HHIP: variants seen among roughly 807,000 people sequenced by gnomAD.
HHIP encodes hedgehog-interacting protein.
HHIP carries 12 observed loss-of-function variants against 74.0 expected under a neutral mutation model. The observed-to-expected ratio is 0.16, with a 90% CI of 0.10 to 0.26. HHIP has a LOEUF of 0.26. Among genes scored for constraint, HHIP ranks in the 10% least tolerant of loss-of-function variants. The pLI is 1.00. For missense variants in HHIP, 788 were observed against 845.0 expected (o/e 0.93, Z 0.84); for synonymous variants, 309 against 311.6 (o/e 0.99, Z 0.09).
chr4:144,660,864 A>T (rs1728694450), intron 4 of HHIP, among the ~76,000 whole-genome samples: 1 of 152,118 alleles, frequency 6.6e-6, no homozygotes, highest in South Asian at 2.1e-4. Flanking sequence ...ATATTCATTC[A>T]CAAAAAGGGC....
intron 4 of HHIP, 90 bp downstream of exon 4, chr4:144,659,928 TAAAA>T (rs779092800): frequency 1.0e-6 from 1 of 957,092 alleles, no homozygotes; most frequent in Non-Finnish European, 1.6e-6. Flanking sequence ...TTCTTTGTAA[TAAAA>T]GAAAGAATCT....
At chr4:144,708,408 G>A (rs988649251) in intron 7 of HHIP, 97 bp downstream of exon 7, 6 of 1,251,022 alleles carry the variant, frequency 4.8e-6, no homozygotes, top group Non-Finnish European at 6.8e-6. Flanking sequence ...TCACAGAGCA[G>A]CCAAAGGTAG....
Position 144,646,298 on chromosome 4 carries a change from C to A in HHIP, c.-378C>A. 1 of 191,266 alleles carries A rather than the reference C, an allele frequency of 5.2e-6. No individual in the cohort carries two copies. Among genetic ancestry groups the A allele is most frequent in the South Asian group, 1.2e-4 (1 of 8,026 alleles). 11.8% of individuals were successfully genotyped at this position (191,266 alleles called of 1,614,324 possible). A position where few individuals can be genotyped will look rare whatever the true frequency, so the allele number is the denominator to read the frequency against. ...GCTACTGTCCCACCTAAACAACTCC[C>A]GTTACACGGACAAGTGAACATCTGT... On this transcript the variant is annotated 5_prime_UTR_variant, in exon 1 of 13. Transcript: ENST00000296575.
At chr4:144,736,693 TA>T (rs900195563) in intron 12 of HHIP, among the ~76,000 whole-genome samples, 1 of 152,232 alleles carries the variant, frequency 6.6e-6, no homozygotes, top group African/African-American at 2.4e-5. Context: ...CTTTCATTTT[TA>T]CACTGAATCA....
At chr4:144,677,160 T>G (rs2126615217) in intron 4 of HHIP, among the ~76,000 whole-genome samples, 1 of 152,368 alleles carries the variant, frequency 6.6e-6, no homozygotes, top group East Asian at 1.9e-4. Flanking sequence ...CTACTGTGAC[T>G]GCCGTTCTTC....
intron 4 of HHIP, among the ~76,000 whole-genome samples, chr4:144,683,913 T>G (rs553140463): frequency 6.6e-6 from 1 of 152,078 alleles, no homozygotes; most frequent in East Asian, 1.9e-4. Context: ...GAAGTTGTGT[T>G]GCCTTAAATT....
At chr4:144,699,372 G>A (rs991842977) in intron 4 of HHIP, among the ~76,000 whole-genome samples, 3 of 152,270 alleles carry the variant, frequency 2.0e-5, no homozygotes, top group African/African-American at 7.2e-5. Flanking sequence ...AGGGGGTGCT[G>A]TACAGAGCTC....
chr4:144,732,911 A>T (rs1006001111), intron 11 of HHIP, among the ~76,000 whole-genome samples: 4 of 152,222 alleles, frequency 2.6e-5, no homozygotes, highest in Non-Finnish European at 4.4e-5. Context: ...TTCAACTAGA[A>T]TATTTGTTTA....
rs1278017689 is a variant in HHIP at position 144,740,347 on chromosome 4, G to A, written c.*2390G>A. The A allele has an allele frequency of 1.3e-5, 2 of 152,114 alleles. No individual in the cohort carries two copies. Among genetic ancestry groups the A allele is most frequent in the Non-Finnish European group, 2.9e-5 (2 of 68,012 alleles). 9.4% of individuals were successfully genotyped at this position (152,114 alleles called of 1,614,324 possible). On this transcript the variant is annotated 3_prime_UTR_variant, in exon 13 of 13. Transcript: ENST00000296575. ...TTTTTTATACAGCTTTTTCCCAAGT[G>A]AAAGATTTTCAAGTGACTTAGAAAA...
intron 4 of HHIP, among the ~76,000 whole-genome samples, chr4:144,663,860 C>A (rs1196219774): frequency 6.6e-6 from 1 of 152,120 alleles, no homozygotes; most frequent in East Asian, 1.9e-4. Context: ...AACAAGGCCA[C>A]CAGAAGATAC....
chr4:144,693,850 T>C (rs536237485), intron 4 of HHIP, among the ~76,000 whole-genome samples: 11 of 152,076 alleles, frequency 7.2e-5, no homozygotes, highest in African/African-American at 2.2e-4. Flanking sequence ...TATATATTAT[T>C]AGTTTTTATT....
chr4:144,670,828 C>T (rs1410751675), intron 4 of HHIP, among the ~76,000 whole-genome samples: 1 of 130,128 alleles, frequency 7.7e-6, no homozygotes, highest in East Asian at 2.4e-4. Context: ...ATAGAAATAA[C>T]GAAATTTAAT....
intron 12 of HHIP, among the ~76,000 whole-genome samples, chr4:144,737,561 T>C (rs2126695688): frequency 6.6e-6 from 1 of 152,364 alleles, no homozygotes; most frequent in South Asian, 2.1e-4. Flanking sequence ...TCTCATTCTC[T>C]GCTGAGTTCA....
Position 144,719,957 on chromosome 4 carries a change from TC to T in HHIP, c.1760+1003del, listed in dbSNP as rs112081611. ...TTGTATATGTTTTTCTGAGATTTTG[TC>T]CTTTTTCTATGCAACAAAACGCTTT... On this transcript the variant is annotated intron_variant, in intron 11 of 12. Transcript: ENST00000296575. 2.4e-3 allele frequency among the ~76,000 whole-genome samples: 366 copies of T among 152,328 alleles called. 2 individuals carry two copies. Among genetic ancestry groups the T allele is most frequent in the African/African-American group, 8.1e-3 (337 of 41,582 alleles).
chr4:144,731,886 T>A (rs1730968630), intron 11 of HHIP, among the ~76,000 whole-genome samples: 1 of 152,236 alleles, frequency 6.6e-6, no homozygotes, highest in South Asian at 2.1e-4. Context: ...ATACTTCATG[T>A]GTGCCTGTAT....
intron 4 of HHIP, among the ~76,000 whole-genome samples, chr4:144,696,792 C>G (rs1205375916): frequency 6.6e-6 from 1 of 151,878 alleles, no homozygotes; most frequent in African/African-American, 2.4e-5. Flanking sequence ...TTGAAAATCA[C>G]TCAGCACAGT....
intron 4 of HHIP, among the ~76,000 whole-genome samples, chr4:144,700,428 T>C (rs1578708236): frequency 1.3e-5 from 2 of 152,292 alleles, no homozygotes; most frequent in South Asian, 4.1e-4. Flanking sequence ...CCTTGTCCTT[T>C]CCCTAGAACT....
At chr4:144,707,443 C>G (rs1730176977) in intron 6 of HHIP, among the ~76,000 whole-genome samples, 183 bp downstream of exon 6, 1 of 152,072 alleles carries the variant, frequency 6.6e-6, no homozygotes, top group Admixed American at 6.6e-5. Flanking sequence ...GCTACGTGAT[C>G]TTTTGTTTGT....
chr4:144,734,360 A>T (rs956608809), intron 11 of HHIP, among the ~76,000 whole-genome samples: 6 of 152,118 alleles, frequency 3.9e-5, no homozygotes, highest in African/African-American at 1.4e-4. Context: ...CTATTCCTAA[A>T]CATTTTTGTA....
Sources: allele counts gnomAD v4.1 joint callset (sites outside exome capture counted in the v4.1 genomes callset), GRCh38; gene constraint gnomAD v4.1.1; transcripts MANE v1.5; gene names NCBI Gene and HGNC (gene_info 2026-07-23, HGNC 2026-07-21).